The following GLMN variants were observed in gnomAD, a reference collection of about 807,000 sequenced individuals.
GLMN encodes glomulin.
In GLMN, 75 loss-of-function variants were observed where a neutral mutation model predicts 87.8. The observed-to-expected ratio is 0.85, with a 90% CI of 0.71 to 1.04. GLMN has a LOEUF of 1.04. Among genes scored for constraint, GLMN ranks in the 50% least tolerant of loss-of-function variants. The pLI, the probability that GLMN is intolerant of heterozygous loss-of-function variation, is 0.00. For synonymous variants in GLMN, 206 were observed against 221.6 expected, an observed-to-expected ratio of 0.93 and a Z score of 0.63; for missense variants, 588 against 658.8, an observed-to-expected ratio of 0.89 and a Z score of 1.18.
At chr1:92,248,065 AAAAAC>A (rs1652933808) in intron 16 of GLMN, 76 bp from the exon 17 acceptor site, 1 of 747,616 alleles carries the variant, frequency 1.3e-6, no homozygotes, top group South Asian at 1.4e-5. Context: ...TAAAAGCTCA[AAAAAC>A]AAAAATAAAT....
chr1:92,272,767 G>GCC (rs1656371660), intron 7 of GLMN, among the ~76,000 whole-genome samples: 5 of 152,126 alleles, frequency 3.3e-5, no homozygotes, highest in Admixed American at 3.3e-4. Context: ...GGACCACAGG[G>GCC]CTAAATAAAG....
chr1:92,285,324 T>C (rs941212975), intron 7 of GLMN, among the ~76,000 whole-genome samples: 7 of 152,174 alleles, frequency 4.6e-5, no homozygotes, highest in Non-Finnish European at 1.0e-4. Context: ...GGGACATGGA[T>C]GAAGCTGGAA....
chr1:92,308,473 C>G, the GLMN span, among the ~76,000 whole-genome samples: 2 of 152,156 alleles, frequency 1.3e-5, no homozygotes, highest in African/African-American at 2.4e-5. Context: ...GTTTTATTCC[C>G]CACTGAAACC....
At chr1:92,295,929 C>T (rs114137534) in intron 3 of GLMN, among the ~76,000 whole-genome samples, 1,743 of 151,974 alleles carry the variant, frequency 0.011, 14 homozygotes, top group Middle Eastern at 0.027. Context: ...AGAAGGTTAT[C>T]CTGAGAACGC....
chr1:92,261,313 TAAAG>T (rs1557521210), intron 16 of GLMN, among the ~76,000 whole-genome samples: 1 of 152,140 alleles, frequency 6.6e-6, no homozygotes, highest in Non-Finnish European at 1.5e-5. Flanking sequence ...AAGTGAAAAA[TAAAG>T]AGTACTTTTC....
At chr1:92,306,822 GTGAA>G in the GLMN span, among the ~76,000 whole-genome samples, 5 of 152,082 alleles carry the variant, frequency 3.3e-5, no homozygotes, top group African/African-American at 4.8e-5. Flanking sequence ...AATTTAATAA[GTGAA>G]TGAAGTAAGA....
chr1:92,279,313 C>G (rs1054444827), intron 7 of GLMN, among the ~76,000 whole-genome samples: 1 of 151,838 alleles, frequency 6.6e-6, no homozygotes, highest in Non-Finnish European at 1.5e-5. Flanking sequence ...AAAAATTAGC[C>G]AGGTGTGGTG....
At chr1:92,334,873 A>G in the GLMN span, among the ~76,000 whole-genome samples, 2 of 152,178 alleles carry the variant, frequency 1.3e-5, no homozygotes, top group Non-Finnish European at 2.9e-5. Flanking sequence ...CTGTAGTCCC[A>G]GTTACTCAGG....
intron 12 of GLMN, 92 bp from the exon 13 acceptor site, chr1:92,266,584 C>T (rs902651708): frequency 2.0e-6 from 2 of 1,018,294 alleles, no homozygotes. Flanking sequence ...TACATCCACA[C>T]TTGTACCTCC....
chr1:92,309,172 G>A, the GLMN span, among the ~76,000 whole-genome samples: 9 of 152,122 alleles, frequency 5.9e-5, no homozygotes, highest in South Asian at 2.1e-4. Context: ...TGCCGGGCGT[G>A]GTGGCTTACA....
chr1:92,357,156 C>G, the GLMN span, among the ~76,000 whole-genome samples: 1 of 151,608 alleles, frequency 6.6e-6, no homozygotes, highest in Admixed American at 6.6e-5. Flanking sequence ...ATGAGTAAGA[C>G]TGTGTCTTAG....
At chr1:92,305,698 A>G in the GLMN span, among the ~76,000 whole-genome samples, 2 of 152,180 alleles carry the variant, frequency 1.3e-5, no homozygotes, top group Non-Finnish European at 2.9e-5. Flanking sequence ...AATTTACACA[A>G]GGAACTTGAA....
chr1:92,307,019 G>A, the GLMN span, among the ~76,000 whole-genome samples: 4 of 151,982 alleles, frequency 2.6e-5, no homozygotes, highest in African/African-American at 4.8e-5. Flanking sequence ...GTTGGGAAGG[G>A]GCACATAGAG....
At chr1:92,323,826 T>C in the GLMN span, 1 of 1,614,078 alleles carries the variant, frequency 6.2e-7, no homozygotes, top group Non-Finnish European at 8.5e-7. Flanking sequence ...GTTCTTCAAA[T>C]AGCACTTTGC....
chr1:92,341,083 A>G, the GLMN span, among the ~76,000 whole-genome samples: 1 of 152,054 alleles, frequency 6.6e-6, no homozygotes, highest in Non-Finnish European at 1.5e-5. Flanking sequence ...ATCTCAACTC[A>G]CTGCAACCTC....
the GLMN span, among the ~76,000 whole-genome samples, chr1:92,326,927 T>G: frequency 6.6e-6 from 1 of 152,140 alleles, no homozygotes; most frequent in African/African-American, 2.4e-5. Flanking sequence ...GCCTGTGGAG[T>G]CTGCACACCA....
At chr1:92,314,159 C>T in the GLMN span, among the ~76,000 whole-genome samples, 11 of 152,294 alleles carry the variant, frequency 7.2e-5, no homozygotes, top group South Asian at 2.3e-3. Context: ...TCACAACTTG[C>T]GTACTGGCAA....
chr1:92,336,718 T>A, the GLMN span, among the ~76,000 whole-genome samples: 1 of 152,136 alleles, frequency 6.6e-6, no homozygotes, highest in Non-Finnish European at 1.5e-5. Context: ...ACTATGGGTT[T>A]AAGTGAAATA....
intron 7 of GLMN, among the ~76,000 whole-genome samples, chr1:92,280,413 G>A (rs147403687): frequency 6.6e-5 from 10 of 151,648 alleles, no homozygotes; most frequent in African/African-American, 2.2e-4. Flanking sequence ...GAAAGGAATA[G>A]CATCAACATC....
Sources: gnomAD v4.1 joint callset for allele counts (sites outside exome capture counted in the v4.1 genomes callset) on GRCh38, gnomAD v4.1.1 for gene constraint, MANE v1.5 for transcripts, NCBI Gene and HGNC (gene_info 2026-07-23, HGNC 2026-07-21) for gene names.